Variants in BRWD1 observed in about 807,000 individuals in gnomAD.
The protein encoded by BRWD1 is bromodomain and WD repeat domain containing 1, also known as bromodomain and WD repeat-containing protein 1.
BRWD1 carries 82 observed loss-of-function variants against 251.2 expected under a neutral mutation model. The observed-to-expected ratio is 0.33, with a 90% CI of 0.27 to 0.39. BRWD1 has a LOEUF of 0.39. BRWD1 is among the 10% of genes least tolerant of loss of function. BRWD1 has a pLI of 1.00. For synonymous variants in BRWD1, 918 were observed against 902.8 expected (o/e 1.02, Z -0.30); for missense variants, 2,233 against 2,711.6 (o/e 0.82, Z 3.92).
intron 15 of BRWD1, 29 bp from the exon 16 acceptor site, chr21:39,265,048 G>T: frequency 6.2e-7 from 1 of 1,601,454 alleles, no homozygotes; most frequent in South Asian, 1.1e-5. Context: ...AAAAAGTTAG[G>T]ACCAATTCTA....
intron 4 of BRWD1, among the ~76,000 whole-genome samples, chr21:39,299,304 T>C (rs2036044651): frequency 6.6e-6 from 1 of 152,046 alleles, no homozygotes; most frequent in South Asian, 2.1e-4. Flanking sequence ...CATACATCTT[T>C]GAGAGAGATG....
intron 17 of BRWD1, among the ~76,000 whole-genome samples, chr21:39,259,298 G>C (rs997981536): frequency 1.8e-4 from 27 of 152,114 alleles, no homozygotes; most frequent in African/African-American, 6.3e-4. Context: ...TTCAAGTACA[G>C]AGTTTTTCTG....
intron 31 of BRWD1, among the ~76,000 whole-genome samples, chr21:39,216,204 A>C (rs1220425622): frequency 2.0e-5 from 3 of 152,340 alleles, no homozygotes; most frequent in African/African-American, 7.2e-5. Flanking sequence ...AAAATCATTA[A>C]GAATAGGAAA....
At chr21:39,276,072 A>G in intron 12 of BRWD1, 101 bp downstream of exon 12, 1 of 1,012,370 alleles carries the variant, frequency 9.9e-7, no homozygotes, top group Non-Finnish European at 1.4e-6. Flanking sequence ...AATAATATAA[A>G]GGGAAAAAAT....
chr21:39,317,956 C>T (rs2036714733), upstream of BRWD1, among the ~76,000 whole-genome samples: 1 of 152,024 alleles, frequency 6.6e-6, no homozygotes, highest in African/African-American at 2.4e-5. Flanking sequence ...GAGACTGAGG[C>T]AGGAGATCAC....
intron 26 of BRWD1, 42 bp downstream of exon 26, chr21:39,229,270 A>G: frequency 6.6e-7 from 1 of 1,514,836 alleles, no homozygotes. Flanking sequence ...CAAAATGGCA[A>G]ATTTAAATTT....
Position 39,189,427 on chromosome 21 carries a change from A to ATT in BRWD1, c.*6830_*6831dup. On this transcript the variant is annotated 3_prime_UTR_variant, in exon 41 of 41. Transcript: ENST00000342449. ...ACCTAGTAAATACTAATTCTAACAC[A>ATT]TTTTAATAAATGTTTATTTGTCATC... 1 of 969,804 alleles carries ATT rather than the reference A, an allele frequency of 1.0e-6. No homozygotes were observed. The highest frequency in any genetic ancestry group is 4.8e-5 in the South Asian group (1 of 20,944). The allele number at this position is 969,804 out of a possible 1,614,324, so 60.1% of individuals were successfully genotyped here. A position where few individuals can be genotyped will look rare whatever the true frequency, so the allele number is the denominator to read the frequency against.
intron 37 of BRWD1, 115 bp downstream of exon 37, chr21:39,205,993 T>C: frequency 2.0e-6 from 2 of 1,024,754 alleles, no homozygotes; most frequent in Non-Finnish European, 2.8e-6. Flanking sequence ...GGCAGGAAAA[T>C]CACTTGAACC....
At chr21:39,239,940 A>G (rs539856975) in intron 21 of BRWD1, among the ~76,000 whole-genome samples, 1 of 152,206 alleles carries the variant, frequency 6.6e-6, no homozygotes, top group Non-Finnish European at 1.5e-5. Flanking sequence ...ACCTACACCC[A>G]GATGTTTATA....
intron 31 of BRWD1, chr21:39,217,655 G>A (rs1288546162): frequency 6.5e-6 from 1 of 153,696 alleles, no homozygotes; most frequent in Non-Finnish European, 1.4e-5. Flanking sequence ...AAAACCACTG[G>A]AGAAACAAAA....
At chr21:39,199,740 T>G (rs1388868040) in intron 39 of BRWD1, 78 bp from the exon 40 acceptor site, 1 of 1,338,860 alleles carries the variant, frequency 7.5e-7, no homozygotes. Context: ...TTTTAATGAT[T>G]TTCTTCACTT....
chr21:39,205,569 C>T (rs1288025475), intron 37 of BRWD1, among the ~76,000 whole-genome samples: 1 of 151,578 alleles, frequency 6.6e-6, no homozygotes, highest in African/African-American at 2.4e-5. Context: ...CTCAGGAGTT[C>T]GAGACCAGCC....
Position 39,206,222 on chromosome 21 carries a change from T to G in BRWD1, c.4250A>C (p.Lys1417Thr), listed in dbSNP as rs781523670. ...ACCAATTTTAAAATCAGAAGAGATTTTCTTCATTTTTTCTTCAAATAAGGC... is the reference window on the plus strand; with the variant it reads ...ACCAATTTTAAAATCAGAAGAGATTGTCTTCATTTTTTCTTCAAATAAGGC... ...LSALFEEKMK[K>T]ISSDFKIGQK... The change falls in exon 37 of 41, where the codon AAA (lysine) becomes ACA (threonine). Residue 1417 changes from lysine (K) to threonine (T), a missense_variant. By Grantham distance (78) the Lys-to-Thr change is moderately conservative. This residue lies in a region of BRWD1 where 69 missense variants were observed against 101.6 expected (regional missense o/e 0.68). Transcript: ENST00000342449. 1.2e-6 allele frequency: 2 copies of G among 1,610,674 alleles called. No homozygotes were observed. The highest frequency in any genetic ancestry group is 1.7e-6 in the Non-Finnish European group (2 of 1,177,468).
Position 39,293,843 on chromosome 21 carries a change from G to A in BRWD1, c.799C>T (p.Gln267Ter). Residue 267 changes from glutamine to a stop codon, truncating the protein, a stop_gained, in exon 8 of 41, where the codon CAA becomes TAA. Transcript: ENST00000342449. LOFTEE classifies it high-confidence loss of function. The stretch of plus-strand genomic sequence containing the variant: ...GATGTAATTGATCCTGTGTGTCCTT[G>A]GAGCACAGCAACTGGGGCACAAGTT... ...LRTCAPVAVL[Q>*]GHTGSITSLQ... 6.2e-7 allele frequency: 1 copy of A among 1,614,106 alleles called. No homozygotes were observed. The highest frequency in any genetic ancestry group is 8.5e-7 in the Non-Finnish European group (1 of 1,180,018).
Position 39,197,030 on chromosome 21 carries a change from A to G in BRWD1, c.6039T>C (p.Ala2013=). The G allele has an allele frequency of 1.2e-6, 2 of 1,614,124 alleles. No individual in the cohort carries two copies. The highest frequency in any genetic ancestry group is 1.7e-6 in the Non-Finnish European group (2 of 1,179,970). The change falls in exon 41 of 41, where the codon GCT becomes GCC. Residue 2013 remains alanine (A), a synonymous_variant. Transcript: ENST00000342449. ...CTTCAGAGTCTGAGTCTCCATTTAGAGCCTGACTAAGCACTTTTGTACTAC... is the reference window on the plus strand; with the variant it reads ...CTTCAGAGTCTGAGTCTCCATTTAGGGCCTGACTAAGCACTTTTGTACTAC... ...SEGSTKVLSQ[A]LNGDSDSEDM...
chr21:39,300,143 C>G (rs892738051), intron 4 of BRWD1, among the ~76,000 whole-genome samples: 1 of 152,128 alleles, frequency 6.6e-6, no homozygotes, highest in Non-Finnish European at 1.5e-5. Flanking sequence ...AATCCTAAGG[C>G]GCCTCAGTTA....
At chr21:39,241,108 G>A (rs2033977698) in intron 21 of BRWD1, among the ~76,000 whole-genome samples, 2 of 149,990 alleles carry the variant, frequency 1.3e-5, no homozygotes, top group Admixed American at 6.7e-5. Context: ...ACAGCCTTCA[G>A]CCACCCAGCC....
At chr21:39,288,522 A>G (rs1474305620) in intron 8 of BRWD1, among the ~76,000 whole-genome samples, 1 of 151,990 alleles carries the variant, frequency 6.6e-6, no homozygotes, top group Non-Finnish European at 1.5e-5. Context: ...TGGATTATTT[A>G]GAAGTACAGT....
chr21:39,312,568 C>T (rs2036525216), intron 4 of BRWD1: 1 of 333,338 alleles, frequency 3.0e-6, no homozygotes, highest in Non-Finnish European at 5.7e-6. Flanking sequence ...CAGAGGCGGC[C>T]GCACCTGGAG....
Sources: allele counts gnomAD v4.1 joint callset (sites outside exome capture counted in the v4.1 genomes callset), GRCh38; gene constraint gnomAD v4.1.1; regional missense constraint gnomAD v4.1.1; transcripts MANE v1.5; gene names NCBI Gene and HGNC (gene_info 2026-07-23, HGNC 2026-07-21).